SPTLC3: variants seen among roughly 807,000 people sequenced by gnomAD.
SPTLC3 encodes serine palmitoyltransferase 3.
A neutral mutation model predicts 59.3 loss-of-function variants in SPTLC3; 36 were observed. That is an observed-to-expected ratio of 0.61 (90% CI 0.47 to 0.80). SPTLC3 has a LOEUF of 0.80. SPTLC3 is among the 30% of genes least tolerant of loss of function. The pLI is 0.00. For synonymous variants in SPTLC3, 257 were observed against 240.8 expected (o/e 1.07, Z -0.62); for missense variants, 625 against 685.1 (o/e 0.91, Z 0.98).
At position 13,080,004 on chromosome 20, in the gene SPTLC3, G is replaced by A. The variant is rs563444364; in HGVS notation, c.607+5507G>A. 1.2e-5 allele frequency: 3 copies of A among 251,512 alleles called. No individual in the cohort carries two copies. In the East Asian group the frequency reaches 4.4e-4, roughly 37 times the overall value. The allele number at this position is 251,512 out of a possible 1,614,324, so 15.6% of individuals were successfully genotyped here. A position where few individuals can be genotyped will look rare whatever the true frequency, so the allele number is the denominator to read the frequency against. On this transcript the variant is annotated intron_variant, in intron 4 of 11. Transcript: ENST00000399002. ...AGAAAACACCCACAGAAACCTGAAG[G>A]GAAAAGATTCGGCAAAGTGAAACAT...
intron 4 of SPTLC3, among the ~76,000 whole-genome samples, chr20:13,089,802 A>AG (rs1568596803): frequency 1.3e-5 from 2 of 149,732 alleles, no homozygotes; most frequent in African/African-American, 5.0e-5. Flanking sequence ...AAAAAAAAAA[A>AG]AACAAAACAA....
At chr20:13,083,176 A>G (rs1007139419) in intron 4 of SPTLC3, among the ~76,000 whole-genome samples, 2 of 152,178 alleles carry the variant, frequency 1.3e-5, no homozygotes, top group Non-Finnish European at 2.9e-5. Context: ...AGGGTTGAAA[A>G]GACTTAAGTT....
chr20:13,025,757 G>T (rs898214555), intron 1 of SPTLC3, among the ~76,000 whole-genome samples: 31 of 152,190 alleles, frequency 2.0e-4, no homozygotes, highest in African/African-American at 7.2e-4. Flanking sequence ...AGGTTCAGGG[G>T]TACATGCACA....
chr20:13,095,648 G>C (rs1989384171), intron 6 of SPTLC3, among the ~76,000 whole-genome samples: 1 of 152,102 alleles, frequency 6.6e-6, no homozygotes, highest in South Asian at 2.1e-4. Flanking sequence ...CAAAACACCT[G>C]CATTTTTTTC....
chr20:13,091,280 A>G, intron 5 of SPTLC3, 73 bp downstream of exon 5: 1 of 1,563,054 alleles, frequency 6.4e-7, no homozygotes, highest in Non-Finnish European at 8.7e-7. Flanking sequence ...GGTCCTTGTT[A>G]GAAGTATGGC....
At chr20:13,137,797 A>G (rs1034699764) in intron 9 of SPTLC3, among the ~76,000 whole-genome samples, 1 of 152,242 alleles carries the variant, frequency 6.6e-6, no homozygotes, top group Non-Finnish European at 1.5e-5. Context: ...GTGATTTCCC[A>G]GAGACTTGCA....
intron 6 of SPTLC3, among the ~76,000 whole-genome samples, chr20:13,101,304 A>G (rs1163421130): frequency 6.6e-6 from 1 of 152,194 alleles, no homozygotes; most frequent in Non-Finnish European, 1.5e-5. Flanking sequence ...TGTGCACAGC[A>G]CTTGTTAACA....
rs1347444145 is a variant in SPTLC3, at chr20:13,090,998, T to C, written c.608-85T>C. 7.8e-6 allele frequency: 12 copies of C among 1,543,928 alleles called. No homozygotes were observed. The South Asian group carries it at 1.5e-4, about 19-fold the overall frequency. ...AAGCACTCTTGTATAGGTCTTTTGG[T>C]GATGTGTACGTACTGGAATTTGAGT... On this transcript the variant is annotated intron_variant, in intron 4 of 11. Transcript: ENST00000399002.
intron 5 of SPTLC3, 105 bp downstream of exon 5, chr20:13,091,312 C>T (rs1385885841): frequency 1.3e-5 from 18 of 1,412,428 alleles, no homozygotes; most frequent in Non-Finnish European, 1.5e-5. Context: ...CGGTGGTTCA[C>T]GCCTGTAATC....
At chr20:13,127,467 C>T (rs770324948) in intron 9 of SPTLC3, among the ~76,000 whole-genome samples, 8 of 152,206 alleles carry the variant, frequency 5.3e-5, no homozygotes, top group African/African-American at 1.7e-4. Context: ...CTCACCCCAC[C>T]TCCCAGCTGA....
At chr20:13,034,634 A>G (rs752458280) in intron 1 of SPTLC3, among the ~76,000 whole-genome samples, 2 of 152,148 alleles carry the variant, frequency 1.3e-5, no homozygotes, top group Non-Finnish European at 2.9e-5. Context: ...AAAGATGCCA[A>G]CACACAGACA....
chr20:13,158,741 C>G (rs2038829527), intron 10 of SPTLC3, among the ~76,000 whole-genome samples: 2 of 152,194 alleles, frequency 1.3e-5, no homozygotes, highest in Admixed American at 1.3e-4. Flanking sequence ...GCCAGAGAGG[C>G]TGTGTGTCTT....
intron 4 of SPTLC3, among the ~76,000 whole-genome samples, chr20:13,080,781 G>A (rs990217221): frequency 1.3e-5 from 2 of 152,058 alleles, no homozygotes; most frequent in African/African-American, 4.8e-5. Context: ...GAGCAATTTT[G>A]TCTTTAAAAA....
chr20:13,017,078 GCATGGGATT>G (rs1309567203), intron 1 of SPTLC3, among the ~76,000 whole-genome samples: 5 of 152,132 alleles, frequency 3.3e-5, no homozygotes, highest in Non-Finnish European at 7.4e-5. Context: ...ATAATGTTAG[GCATGGGATT>G]CATACCCACT....
intron 2 of SPTLC3, among the ~76,000 whole-genome samples, chr20:13,069,010 A>C (rs965813651): frequency 2.0e-5 from 3 of 152,034 alleles, no homozygotes; most frequent in African/African-American, 7.2e-5. Flanking sequence ...AGGATGAAGT[A>C]TTTTCCGACC....
At chr20:13,060,166 A>G (rs1387545263) in intron 2 of SPTLC3, among the ~76,000 whole-genome samples, 1 of 152,204 alleles carries the variant, frequency 6.6e-6, no homozygotes, top group Non-Finnish European at 1.5e-5. Context: ...ACTGAAGCCT[A>G]GAGCCTCAGA....
In SPTLC3 at chr20:13,168,768, T is replaced by C. The variant is rs897429900; in HGVS notation, c.*3901T>C. On this transcript the variant is annotated 3_prime_UTR_variant, in exon 12 of 12. Coordinates refer to ENST00000399002, the MANE Select transcript of SPTLC3 (RefSeq NM_018327.4). ...GTAACAACAGCAATTAAGAACAGCA[T>C]CTGGTGAATTCTTGGCAATGTTTCC... The C allele has an allele frequency of 1.3e-5, 2 of 152,216 alleles. No individual in the cohort carries two copies. Among genetic ancestry groups the C allele is most frequent in the Non-Finnish European group, 2.9e-5 (2 of 68,038 alleles). 9.4% of individuals were successfully genotyped at this position (152,216 alleles called of 1,614,324 possible). A position where few individuals can be genotyped will look rare whatever the true frequency, so the allele number is the denominator to read the frequency against.
intron 8 of SPTLC3, among the ~76,000 whole-genome samples, chr20:13,123,747 A>T (rs563259475): frequency 1.3e-5 from 2 of 152,210 alleles, no homozygotes; most frequent in South Asian, 4.2e-4. Context: ...GCTCCTCTGC[A>T]TCTATCCAAA....
chr20:13,154,261 G>A (rs1048462503), intron 10 of SPTLC3, 123 bp downstream of exon 10: 50 of 1,282,390 alleles, frequency 3.9e-5, no homozygotes, highest in Middle Eastern at 2.0e-4. Context: ...TCACTCGTAC[G>A]GCTTCTCGGA....
Sources: allele counts gnomAD v4.1 joint callset (sites outside exome capture counted in the v4.1 genomes callset), GRCh38; gene constraint gnomAD v4.1.1; transcripts MANE v1.5; gene names NCBI Gene and HGNC (gene_info 2026-07-23, HGNC 2026-07-21).